Variants in LPP observed in about 807,000 individuals in gnomAD.
The protein encoded by LPP is LIM domain containing preferred translocation partner in lipoma, also known as lipoma-preferred partner.
Under a neutral mutation model 60.4 loss-of-function variants are expected in LPP, and 38 were observed. That is an observed-to-expected ratio of 0.63 (90% CI 0.49 to 0.83). The LOEUF is 0.83. Ranked by LOEUF, LPP falls within the 40% of genes least tolerant of loss-of-function variation. LPP has a pLI of 0.00. For synonymous variants in LPP, 328 were observed against 290.8 expected, an observed-to-expected ratio of 1.13 and a Z score of -1.30; for missense variants, 902 against 783.6, an observed-to-expected ratio of 1.15 and a Z score of -1.80.
chr3:188,808,407 C>T (rs1749829586), intron 9 of LPP, among the ~76,000 whole-genome samples: 1 of 152,088 alleles, frequency 6.6e-6, no homozygotes, highest in Admixed American at 6.6e-5. Flanking sequence ...GTCTCCGAAG[C>T]AGGCTGTTTC....
chr3:188,235,995 TA>T (rs1721772492), intron 2 of LPP, among the ~76,000 whole-genome samples: 1 of 152,150 alleles, frequency 6.6e-6, no homozygotes, highest in Non-Finnish European at 1.5e-5. Flanking sequence ...TTGCAAATAG[TA>T]ATAATGATGA....
intron 9 of LPP, among the ~76,000 whole-genome samples, chr3:188,786,815 G>A (rs1298935608): frequency 1.3e-5 from 2 of 152,146 alleles, no homozygotes; most frequent in African/African-American, 4.8e-5. Flanking sequence ...TACTGAGTGG[G>A]AAGGGCCAAC....
Position 188,882,926 on chromosome 3 carries a change from G to C in LPP, c.*8447G>C, listed in dbSNP as rs1489211421. The C allele has an allele frequency of 5.5e-6, 1 of 182,448 alleles. No homozygotes were observed. Among genetic ancestry groups the C allele is most frequent in the East Asian group, 9.0e-5 (1 of 11,114 alleles). The allele number at this position is 182,448 out of a possible 1,614,324, so 11.3% of individuals were successfully genotyped here. On this transcript the variant is annotated 3_prime_UTR_variant, in exon 12 of 12. Coordinates refer to ENST00000617246, the MANE Select transcript of LPP (RefSeq NM_001375462.1). ...GCTAATTTTTTTTGTACTTTTAGTA[G>C]AGACGGGGTTTCACCGTGGTCTCGA...
chr3:188,732,178 G>A (rs1720856309), intron 8 of LPP, among the ~76,000 whole-genome samples: 1 of 152,206 alleles, frequency 6.6e-6, no homozygotes, highest in Admixed American at 6.5e-5. Flanking sequence ...GAAAGGACAT[G>A]TTTGTCAAAG....
chr3:188,259,192 A>G (rs377122387), intron 2 of LPP, among the ~76,000 whole-genome samples: 88 of 152,342 alleles, frequency 5.8e-4, no homozygotes, highest in East Asian at 3.7e-3. Flanking sequence ...AATTTAATTT[A>G]CTATTGCATA....
intron 5 of LPP, among the ~76,000 whole-genome samples, chr3:188,498,870 T>C (rs1357470437): frequency 1.3e-5 from 2 of 152,226 alleles, no homozygotes; most frequent in Non-Finnish European, 2.9e-5. Context: ...TAGCTCATTG[T>C]AGTTTTGATT....
intron 4 of LPP, among the ~76,000 whole-genome samples, chr3:188,469,699 C>T (rs1379618728): frequency 3.3e-5 from 5 of 152,092 alleles, no homozygotes; most frequent in African/African-American, 1.2e-4. Flanking sequence ...GCTTTTCTCT[C>T]ACTCCCTGTC....
chr3:188,761,333 G>C (rs1732274750), intron 9 of LPP, among the ~76,000 whole-genome samples: 1 of 152,196 alleles, frequency 6.6e-6, no homozygotes, highest in Non-Finnish European at 1.5e-5. Flanking sequence ...TAACCTTGGG[G>C]TCTGTAGCAC....
intron 5 of LPP, among the ~76,000 whole-genome samples, chr3:188,512,329 G>A (rs111937597): frequency 0.018 from 2,708 of 152,144 alleles, 71 homozygotes; most frequent in African/African-American, 0.062. Context: ...AGGCCTAGGC[G>A]GGTGGATCGC....
intron 4 of LPP, among the ~76,000 whole-genome samples, chr3:188,423,069 A>T (rs1158075295): frequency 6.6e-6 from 1 of 151,924 alleles, no homozygotes; most frequent in Non-Finnish European, 1.5e-5. Flanking sequence ...CATCTACATT[A>T]GGTATTTCTC....
chr3:188,290,502 G>A (rs989047088), intron 2 of LPP, among the ~76,000 whole-genome samples: 6 of 152,014 alleles, frequency 3.9e-5, no homozygotes, highest in African/African-American at 1.2e-4. Context: ...ACAGCATGCC[G>A]TGCTTCAGTG....
intron 2 of LPP, among the ~76,000 whole-genome samples, chr3:188,227,113 G>GA (rs1718058041): frequency 6.6e-6 from 1 of 152,178 alleles, no homozygotes. Flanking sequence ...TGTAATGATA[G>GA]AAAGGGAGAG....
chr3:188,390,873 G>T (rs1201414743), intron 3 of LPP, among the ~76,000 whole-genome samples: 1 of 152,128 alleles, frequency 6.6e-6, no homozygotes, highest in Non-Finnish European at 1.5e-5. Context: ...GACACTGTTT[G>T]TTCTCTGCTG....
chr3:188,849,980 T>C (rs760476092), intron 9 of LPP, among the ~76,000 whole-genome samples: 25 of 152,264 alleles, frequency 1.6e-4, no homozygotes, highest in Non-Finnish European at 3.4e-4. Context: ...ACTCTGTTCA[T>C]TTTAAAAGAT....
intron 9 of LPP, among the ~76,000 whole-genome samples, chr3:188,783,124 T>G (rs1388311419): frequency 6.6e-6 from 1 of 152,110 alleles, no homozygotes; most frequent in African/African-American, 2.4e-5. Flanking sequence ...TCCTACCCAA[T>G]GGGATTCTTC....
chr3:188,519,299 G>A (rs762337675), intron 5 of LPP, among the ~76,000 whole-genome samples: 43 of 152,208 alleles, frequency 2.8e-4, no homozygotes, highest in Admixed American at 2.3e-3. Context: ...CCTCACGCAT[G>A]TGATATTCCT....
intron 7 of LPP, among the ~76,000 whole-genome samples, chr3:188,684,591 T>C (rs1022382577): frequency 6.6e-6 from 1 of 152,180 alleles, no homozygotes; most frequent in South Asian, 2.1e-4. Flanking sequence ...CATACGCTGT[T>C]AGTGTTAGAA....
chr3:188,591,786 C>G (rs180829370), intron 6 of LPP, among the ~76,000 whole-genome samples: 107 of 152,300 alleles, frequency 7.0e-4, no homozygotes, highest in Middle Eastern at 6.8e-3. Flanking sequence ...ATGGTACTCA[C>G]AACAACAATA....
chr3:188,412,469 C>T (rs1215124669), intron 4 of LPP, among the ~76,000 whole-genome samples: 2 of 152,098 alleles, frequency 1.3e-5, no homozygotes, highest in Admixed American at 1.3e-4. Context: ...TTCTTACTGT[C>T]ACTCTCTGAG....
Sources: allele counts gnomAD v4.1 joint callset (sites outside exome capture counted in the v4.1 genomes callset), GRCh38; gene constraint gnomAD v4.1.1; transcripts MANE v1.5; gene names NCBI Gene and HGNC (gene_info 2026-07-23, HGNC 2026-07-21).